The following IDE variants were observed in gnomAD, a reference collection of about 807,000 sequenced individuals.
IDE encodes insulin degrading enzyme.
Under a neutral mutation model 133.2 loss-of-function variants are expected in IDE, and 58 were observed. That is an observed-to-expected ratio of 0.44 (90% CI 0.35 to 0.54). The LOEUF (loss-of-function observed/expected upper bound fraction) is 0.54, where lower values mean the gene tolerates loss of function less well. Ranked by LOEUF, IDE falls within the 20% of genes least tolerant of loss-of-function variation. IDE has a pLI of 0.00. For missense variants in IDE, 981 were observed against 1,234.0 expected, an observed-to-expected ratio of 0.79 and a Z score of 3.07; for synonymous variants, 396 against 421.3, an observed-to-expected ratio of 0.94 and a Z score of 0.73.
At chr10:92,521,290 T>C (rs1028058912) in intron 4 of IDE, among the ~76,000 whole-genome samples, 15 of 152,126 alleles carry the variant, frequency 9.9e-5, no homozygotes, top group Non-Finnish European at 1.9e-4. Flanking sequence ...TGAAGATGTC[T>C]TGTCAAAAAG....
chr10:92,559,039 A>G (rs1843149947), intron 1 of IDE: 1 of 152,198 alleles, frequency 6.6e-6, no homozygotes, highest in Non-Finnish European at 1.5e-5. Context: ...CTCACTGGTC[A>G]TCAGGAAAAT....
chr10:92,479,155 T>G (rs1429700620), intron 15 of IDE, 122 bp downstream of exon 15: 3 of 600,078 alleles, frequency 5.0e-6, no homozygotes, highest in Admixed American at 6.0e-5. Flanking sequence ...TGAGAAAATA[T>G]GATTAGCCAT....
At chr10:92,555,993 G>A (rs910495572) in intron 1 of IDE, among the ~76,000 whole-genome samples, 2 of 151,786 alleles carry the variant, frequency 1.3e-5, no homozygotes, top group African/African-American at 2.4e-5. Context: ...CTAACAAGGT[G>A]AAACCCCGTC....
intron 13 of IDE, among the ~76,000 whole-genome samples, chr10:92,486,164 C>T (rs1468328404): frequency 6.6e-6 from 1 of 152,062 alleles, no homozygotes; most frequent in Non-Finnish European, 1.5e-5. Context: ...GCCTGGCTAA[C>T]ATGGTGAAAC....
chr10:92,544,564 C>A (rs1422065739), intron 1 of IDE, among the ~76,000 whole-genome samples: 2 of 152,208 alleles, frequency 1.3e-5, no homozygotes, highest in African/African-American at 4.8e-5. Flanking sequence ...AGAGGTGGTG[C>A]TGAAGGAAAT....
intron 17 of IDE, 121 bp from the exon 18 acceptor site, chr10:92,470,466 T>A (rs1362113898): frequency 2.1e-6 from 1 of 483,544 alleles, no homozygotes; most frequent in East Asian, 3.2e-5. Flanking sequence ...ACACTTCACC[T>A]AGTTTTCCCT....
intron 11 of IDE, among the ~76,000 whole-genome samples, chr10:92,499,356 G>A (rs929708422): frequency 6.6e-6 from 1 of 151,868 alleles, no homozygotes; most frequent in East Asian, 1.9e-4. Flanking sequence ...TGTTGGCCAG[G>A]CTGGTCTTGA....
At chr10:92,461,295 G>A in intron 21 of IDE, 43 bp from the exon 22 acceptor site, 4 of 958,010 alleles carry the variant, frequency 4.2e-6, no homozygotes, top group Non-Finnish European at 6.8e-6. Flanking sequence ...ATTTTCATAT[G>A]AAGCAGCCCA....
intron 2 of IDE, among the ~76,000 whole-genome samples, chr10:92,535,897 G>T (rs748816706): frequency 2.6e-5 from 4 of 151,904 alleles, no homozygotes; most frequent in East Asian, 1.9e-4. Flanking sequence ...TTAGCTGGGC[G>T]TGGTGGCGGG....
intron 1 of IDE, among the ~76,000 whole-genome samples, chr10:92,557,881 A>AG (rs1394143098): frequency 1.3e-5 from 2 of 151,516 alleles, no homozygotes; most frequent in East Asian, 3.9e-4. Context: ...CCTCAAAAAA[A>AG]AAAAAAAAAA....
chr10:92,545,855 G>A (rs1842514090), intron 1 of IDE, among the ~76,000 whole-genome samples: 1 of 152,160 alleles, frequency 6.6e-6, no homozygotes, highest in African/African-American at 2.4e-5. Context: ...CATGCAATTT[G>A]GTATGGGTAC....
At chr10:92,472,440 T>C (rs1007316922) in intron 17 of IDE, among the ~76,000 whole-genome samples, 23 of 152,176 alleles carry the variant, frequency 1.5e-4, no homozygotes, top group Non-Finnish European at 2.8e-4. Flanking sequence ...AAGAAAAGCA[T>C]ATTAACTGTC....
chr10:92,493,036 G>T (rs776878490), intron 11 of IDE, among the ~76,000 whole-genome samples: 24 of 152,132 alleles, frequency 1.6e-4, no homozygotes, highest in Admixed American at 3.9e-4. Flanking sequence ...TGCTAAATAA[G>T]AAATACGTTC....
chr10:92,498,748 C>T (rs569420671), intron 11 of IDE, among the ~76,000 whole-genome samples: 56 of 152,188 alleles, frequency 3.7e-4, no homozygotes, highest in African/African-American at 1.3e-3. Context: ...AAGAGCGAAA[C>T]TCCATCTCAA....
chr10:92,455,442 C>T (rs1398802370), intron 24 of IDE, 134 bp downstream of exon 24: 1 of 632,154 alleles, frequency 1.6e-6, no homozygotes, highest in Non-Finnish European at 2.9e-6. Flanking sequence ...GATCGCACCA[C>T]TGCACTCCAG....
At chr10:92,527,813 G>A (rs1849706071) in intron 4 of IDE, among the ~76,000 whole-genome samples, 2 of 152,140 alleles carry the variant, frequency 1.3e-5, no homozygotes, top group Admixed American at 6.5e-5. Context: ...CTGGGAGATC[G>A]AGACCATGCT....
chr10:92,469,059 CTTTG>C (rs904392298), intron 18 of IDE, 69 bp from the exon 19 acceptor site: 5 of 857,746 alleles, frequency 5.8e-6, no homozygotes, highest in African/African-American at 4.9e-5. Flanking sequence ...AATAAACTGG[CTTTG>C]TTTATCATAA....
chr10:92,485,125 C>CTTTTTTTTTTTTTTTTT (rs34615998), intron 13 of IDE, among the ~76,000 whole-genome samples: 19 of 100,860 alleles, frequency 1.9e-4, no homozygotes, highest in Non-Finnish European at 2.4e-4. Context: ...TTCTTTCTTT[C>CTTTTTTTTTTTTTTTTT]TTTTTTTTTT....
chr10:92,525,610 C>T (rs765858190), intron 4 of IDE, among the ~76,000 whole-genome samples: 6 of 152,092 alleles, frequency 3.9e-5, no homozygotes, highest in Non-Finnish European at 7.4e-5. Context: ...TCGTAGACAA[C>T]ATAATCTTAT....
Sources: allele counts gnomAD v4.1 joint callset (sites outside exome capture counted in the v4.1 genomes callset), GRCh38; gene constraint gnomAD v4.1.1; transcripts MANE v1.5; gene names NCBI Gene and HGNC (gene_info 2026-07-23, HGNC 2026-07-21).